Variants in TTC7A observed in about 807,000 individuals in gnomAD.
TTC7A encodes tetratricopeptide repeat domain 7A, also known as tetratricopeptide repeat protein 7A.
In TTC7A, 110 loss-of-function variants were observed where a neutral mutation model predicts 103.7. The observed-to-expected ratio is 1.06, with a 90% CI of 0.91 to 1.24. The LOEUF is 1.24. Ranked by LOEUF, TTC7A falls within the 50% of genes most tolerant of loss-of-function variation. The pLI is 0.00. For synonymous variants in TTC7A, 521 were observed against 467.9 expected (o/e 1.11, Z -1.47); for missense variants, 1,340 against 1,116.3 (o/e 1.20, Z -2.86).
At chr2:47,002,809 T>G (rs1330960257) in intron 8 of TTC7A, among the ~76,000 whole-genome samples, 1 of 152,060 alleles carries the variant, frequency 6.6e-6, no homozygotes, top group Non-Finnish European at 1.5e-5. Flanking sequence ...CCAGGAATAT[T>G]TCACTTCGGC....
At chr2:46,998,321 C>G (rs1419947114) in intron 8 of TTC7A, among the ~76,000 whole-genome samples, 1 of 152,148 alleles carries the variant, frequency 6.6e-6, no homozygotes. Flanking sequence ...TGGATCTGGC[C>G]TCTGTGGCTG....
At chr2:47,020,132 A>C (rs1558585809) in intron 11 of TTC7A, among the ~76,000 whole-genome samples, 1 of 152,148 alleles carries the variant, frequency 6.6e-6, no homozygotes, top group Non-Finnish European at 1.5e-5. Context: ...GGAGCTACAA[A>C]AACCTCAGTG....
Position 47,021,981 on chromosome 2 carries a change from T to C in TTC7A, c.1510+2T>C, listed in dbSNP as rs1232054387. On this transcript the variant is annotated splice_donor_variant, in intron 12 of 19. Coordinates refer to ENST00000319190, the MANE Select transcript of TTC7A (RefSeq NM_020458.4). LOFTEE classifies it high-confidence loss of function. ...CCTATAGCCTGCAGGCCACCGACGGTGAGTGCCAGGCCCCAGGAGGCCTCT... is the reference window on the plus strand; with the variant it reads ...CCTATAGCCTGCAGGCCACCGACGGCGAGTGCCAGGCCCCAGGAGGCCTCT... The C allele has an allele frequency of 1.2e-6, 2 of 1,606,828 alleles. No individual in the cohort carries two copies. Among genetic ancestry groups the C allele is most frequent in the Admixed American group, 3.3e-5 (2 of 59,918 alleles).
chr2:46,960,234 A>G (rs1271281489), intron 3 of TTC7A, among the ~76,000 whole-genome samples: 9 of 152,168 alleles, frequency 5.9e-5, no homozygotes, highest in Admixed American at 5.9e-4. Flanking sequence ...CTGGCTGCAG[A>G]GAAGTCATCA....
intron 15 of TTC7A, among the ~76,000 whole-genome samples, chr2:47,034,647 T>A (rs1418045616): frequency 6.6e-6 from 1 of 152,144 alleles, no homozygotes; most frequent in Non-Finnish European, 1.5e-5. Flanking sequence ...CCTGGCAGTC[T>A]GCCAGGCTGG....
At chr2:47,056,912 C>G (rs1683369607) in intron 18 of TTC7A, among the ~76,000 whole-genome samples, 2 of 58,044 alleles carry the variant, frequency 3.4e-5, no homozygotes, top group Non-Finnish European at 2.8e-5. Context: ...CTGACCCCTC[C>G]CCCCCATCCA....
In TTC7A at chr2:46,941,750, G is replaced by T. The variant is rs772267266; in HGVS notation, c.184+25G>T. ...GGTGAGTAAGGGAAGAGGCTGGCTCGCCGGCAGCGAGCGCGCGAAACGCAC... is the reference window on the plus strand; with the variant it reads ...GGTGAGTAAGGGAAGAGGCTGGCTCTCCGGCAGCGAGCGCGCGAAACGCAC... On this transcript the variant is annotated intron_variant, in intron 1 of 19. Coordinates refer to ENST00000319190, the MANE Select transcript of TTC7A (RefSeq NM_020458.4). This position sits in a 1 kb window ranked among gnomAD's most constrained non-coding sequence, Gnocchi z 4.2. 1,159 of 1,547,106 alleles carry T rather than the reference G, an allele frequency of 7.5e-4. 1 individual carries two copies. Among genetic ancestry groups the T allele is most frequent in the Non-Finnish European group, 9.7e-4 (1,112 of 1,145,684 alleles).
chr2:47,027,218 AG>A (rs1375833522), intron 14 of TTC7A, among the ~76,000 whole-genome samples: 1 of 152,196 alleles, frequency 6.6e-6, no homozygotes, highest in East Asian at 1.9e-4. Context: ...CTGGGGAATC[AG>A]GCCAGGTTGG....
At position 47,051,850 on chromosome 2, in the gene TTC7A, A is replaced by G. The variant is rs1369697543; in HGVS notation, c.2122A>G (p.Thr708Ala). The G allele has an allele frequency of 6.2e-7, 1 of 1,611,822 alleles. No homozygotes were observed. The highest frequency in any genetic ancestry group is 2.0e-4 in the Middle Eastern group (1 of 4,912). ...GAAGCAGGGCCCCATGCAGCTGTGG[A>G]CCACGCTGGAACAGATCTGGCTGCA... ...VLKQGPMQLW[T>A]TLEQIWLQAA... Residue 708 changes from threonine (T) to alanine (A), a missense_variant, in exon 18 of 20, where the codon ACC becomes GCC. Transcript: ENST00000319190.
Position 47,075,132 on chromosome 2 carries a change from A to AC in TTC7A, c.*1215dup, listed in dbSNP as rs1274717894. 4.0e-5 allele frequency: 6 copies of AC among 151,716 alleles called. No homozygotes were observed. In the East Asian group the frequency reaches 7.8e-4, roughly 20 times the overall value. 9.4% of individuals were successfully genotyped at this position (151,716 alleles called of 1,614,324 possible). ...CCTCGGAAGGAGTGGGCTGTTGGAG[A>AC]CCCCCCATCCATGGCACACTAGCTC... On this transcript the variant is annotated 3_prime_UTR_variant, in exon 20 of 20. Transcript: ENST00000319190.
At chr2:47,052,996 C>T (rs1213085784) in intron 18 of TTC7A, among the ~76,000 whole-genome samples, 5 of 152,160 alleles carry the variant, frequency 3.3e-5, no homozygotes, top group Admixed American at 1.3e-4. Flanking sequence ...TAAGGTTTCC[C>T]ACTGCATGTT....
Position 46,994,507 on chromosome 2 carries a change from G to A in TTC7A, c.994G>A (p.Gly332Arg). 6.2e-7 allele frequency: 1 copy of A among 1,613,926 alleles called. No individual in the cohort carries two copies. Among genetic ancestry groups the A allele is most frequent in the South Asian group, 1.1e-5 (1 of 91,066 alleles). The change falls in exon 7 of 20, where the codon GGA becomes AGA. Residue 332 changes from glycine (G) to arginine (R), a missense_variant. Gly to Arg is a moderately radical substitution (Grantham distance 125). Coordinates refer to ENST00000319190, the MANE Select transcript of TTC7A (RefSeq NM_020458.4). The part of the protein sequence containing the change: ...QALRKPHLYE[G>R]DNLYCPKDNI... Reference sequence around the variant, plus strand: ...CCTGCGGAAACCTCACCTCTATGAAGGAGACAAGTAAGTTCTGCCTGCCCT... The same window carrying A: ...CCTGCGGAAACCTCACCTCTATGAAAGAGACAAGTAAGTTCTGCCTGCCCT...
chr2:47,021,495 G>T (rs1040266269), intron 11 of TTC7A, among the ~76,000 whole-genome samples: 3 of 152,208 alleles, frequency 2.0e-5, no homozygotes, highest in Admixed American at 6.5e-5. Flanking sequence ...GTGGCTGCCT[G>T]CCTGCTCCAT....
intron 15 of TTC7A, among the ~76,000 whole-genome samples, chr2:47,043,780 C>T (rs1452120969): frequency 1.3e-5 from 2 of 152,172 alleles, no homozygotes; most frequent in Non-Finnish European, 2.9e-5. Context: ...AGAAAATCCG[C>T]TCTGGGCCAC....
In TTC7A at chr2:47,000,255, TAA is replaced by T. The variant is rs58720701; in HGVS notation, c.1065+5071_1065+5072del. On this transcript the variant is annotated intron_variant, in intron 8 of 19. Transcript: ENST00000319190. ...AACTGGATTAAGGGTGCCATTCAGT[TAA>T]AAAAAAAAAAAAAAGTGCTTCCTGG... is the stretch of plus-strand genomic sequence containing the variant. 8.4e-4 allele frequency among the ~76,000 whole-genome samples: 120 copies of T among 142,096 alleles called. No homozygotes were observed. The East Asian group carries it at 0.01, about 12-fold the overall frequency. 93.2% of individuals were successfully genotyped at this position (142,096 alleles called of 152,430 possible). A position where few individuals can be genotyped will look rare whatever the true frequency, so the allele number is the denominator to read the frequency against.
In TTC7A at chr2:47,046,336, G is replaced by A. The variant is rs547770140; in HGVS notation, c.1824G>A (p.Lys608=). 1.4e-5 allele frequency: 23 copies of A among 1,614,136 alleles called. No homozygotes were observed. Among genetic ancestry groups the A allele is most frequent in the Admixed American group, 3.3e-5 (2 of 60,026 alleles). ...ENFNLMFTKV[K]LEQVLKGPEE... ...ACAGCCTGATGTTCACCAAGGTGAA[G>A]CTGGAGCAGGTGCTGAAAGGCCCAG... is the stretch of plus-strand genomic sequence containing the variant. Residue 608 remains lysine, a synonymous_variant, in exon 16 of 20, where the codon AAG becomes AAA. Transcript: ENST00000319190.
intron 5 of TTC7A, among the ~76,000 whole-genome samples, chr2:46,987,809 C>CGTGT (rs34664382): frequency 0.046 from 6,599 of 144,564 alleles, 155 homozygotes; most frequent in African/African-American, 0.078. Context: ...CCTTTCCGCG[C>CGTGT]GTGTGTGTGT....
intron 16 of TTC7A, among the ~76,000 whole-genome samples, chr2:47,047,638 C>G (rs1483731742): frequency 6.6e-6 from 1 of 152,368 alleles, no homozygotes; most frequent in East Asian, 1.9e-4. Context: ...GAGCTGGCCG[C>G]TCTGTTCCTG....
chr2:47,051,683 T>C lies in TTC7A; in HGVS notation c.2018-63T>C, dbSNP rs1401101084. 5 of 1,543,752 alleles carry C rather than the reference T, an allele frequency of 3.2e-6. No individual in the cohort carries two copies. The African/African-American group carries it at 6.8e-5, about 21-fold the overall frequency. On this transcript the variant is annotated intron_variant, in intron 17 of 19. Transcript: ENST00000319190. The stretch of plus-strand genomic sequence containing the variant: ...CCCCATGGTGCTGGGCAATGACTGC[T>C]CCTGGGGCCTGCAACGTGTGGACCT...
Sources: gnomAD v4.1 joint callset for allele counts (sites outside exome capture counted in the v4.1 genomes callset) on GRCh38, gnomAD v4.1.1 for gene constraint, Gnocchi (gnomAD v3.1) non-coding constraint, MANE v1.5 for transcripts, NCBI Gene and HGNC (gene_info 2026-07-23, HGNC 2026-07-21) for gene names.